CAND1: variants seen among roughly 807,000 people sequenced by gnomAD.
CAND1 encodes cullin-associated NEDD8-dissociated protein 1.
CAND1 carries 7 observed loss-of-function variants against 108.5 expected under a neutral mutation model. That is an observed-to-expected ratio of 0.06 (90% CI 0.04 to 0.12). The LOEUF (loss-of-function observed/expected upper bound fraction) is 0.12. CAND1 is among the 10% of genes least tolerant of loss of function. CAND1 has a pLI of 1.00. For synonymous variants in CAND1, 534 were observed against 512.0 expected (o/e 1.04, Z -0.58); for missense variants, 941 against 1,448.7 (o/e 0.65, Z 5.69).
rs201730536 is a variant in CAND1 at position 67,306,152 on chromosome 12, A to C, written c.2484A>C (p.Ser828=). 1.6e-5 allele frequency: 26 copies of C among 1,613,976 alleles called. No individual in the cohort carries two copies. In the South Asian group the frequency reaches 2.7e-4, roughly 17 times the overall value. ...AGTTTATTCAAGATGTCAAGAACTC[A>C]AGGTCTACAGATTCCATTCGTCTCT... ...VGQFIQDVKN[S]RSTDSIRLLA... is the part of the protein sequence containing the mutation. Residue 828 remains serine, a synonymous_variant, in exon 10 of 15, where the codon TCA becomes TCC. Coordinates refer to ENST00000545606, the MANE Select transcript of CAND1 (RefSeq NM_018448.5).
chr12:67,299,500 T>A (rs2044802870), intron 7 of CAND1, among the ~76,000 whole-genome samples: 1 of 152,168 alleles, frequency 6.6e-6, no homozygotes. Context: ...CTACAAAGCA[T>A]TTTTGTAAGG....
rs935056357 is a variant in CAND1, at chr12:67,316,460, T to C, written c.*3630T>C. On this transcript the variant is annotated 3_prime_UTR_variant, in exon 15 of 15. Transcript: ENST00000545606. ...GATTTTGTAAACACCTTTGCTGTAG[T>C]TTCAGGCAAGATCTTTCAGCAACAT... 1 of 152,240 alleles carries C rather than the reference T, an allele frequency of 6.6e-6. No individual in the cohort carries two copies. 9.4% of individuals were successfully genotyped at this position (152,240 alleles called of 1,614,324 possible).
At position 67,292,720 on chromosome 12, in the gene CAND1, A is replaced by G. The variant is rs777604837; in HGVS notation, c.311A>G (p.Asp104Gly). 1 of 1,613,876 alleles carries G rather than the reference A, an allele frequency of 6.2e-7. No individual in the cohort carries two copies. Among genetic ancestry groups the G allele is most frequent in the Non-Finnish European group, 8.5e-7 (1 of 1,179,848 alleles). The change falls in exon 3 of 15, where the codon GAC (aspartate) becomes GGC (glycine). Residue 104 changes from aspartate to glycine, a missense_variant. Physicochemically the swap from Asp to Gly is moderately conservative, Grantham distance 94. This residue lies in a region of CAND1 where 44 missense variants were observed against 129.1 expected (regional missense o/e 0.34). Coordinates refer to ENST00000545606, the MANE Select transcript of CAND1 (RefSeq NM_018448.5). ...NMLSDKEQLRDISSIGLKTVI... is the reference protein window; with the variant it reads ...NMLSDKEQLRGISSIGLKTVI... ...CTTTCTGATAAAGAACAACTTCGAG[A>G]CATTTCAAGTATTGGTCTTAAAACA...
intron 1 of CAND1, among the ~76,000 whole-genome samples, chr12:67,277,877 T>C (rs1366993767): frequency 6.6e-6 from 1 of 152,166 alleles, no homozygotes; most frequent in Non-Finnish European, 1.5e-5. Context: ...TTAGTCATTC[T>C]CCTAACTAGT....
chr12:67,294,547 A>G (rs986341102), intron 3 of CAND1, among the ~76,000 whole-genome samples: 1 of 152,208 alleles, frequency 6.6e-6, no homozygotes, highest in Non-Finnish European at 1.5e-5. Context: ...TACAGCTACT[A>G]CTGGCTCCAT....
intron 2 of CAND1, among the ~76,000 whole-genome samples, chr12:67,286,062 C>T (rs1407930114): frequency 1.3e-5 from 2 of 152,140 alleles, no homozygotes; most frequent in African/African-American, 2.4e-5. Context: ...GGCTGGAGTG[C>T]AGTGGCTGGA....
chr12:67,285,207 G>A (rs1291804048), intron 2 of CAND1, among the ~76,000 whole-genome samples: 1 of 152,096 alleles, frequency 6.6e-6, no homozygotes, highest in Non-Finnish European at 1.5e-5. Context: ...TGTAGTGTAA[G>A]GTAAGATTAC....
At chr12:67,308,177 A>T (rs1487119523) in intron 11 of CAND1, among the ~76,000 whole-genome samples, 4 of 152,068 alleles carry the variant, frequency 2.6e-5, no homozygotes, top group Non-Finnish European at 1.5e-5. Flanking sequence ...GATAATGGAG[A>T]TAACCATCAG....
chr12:67,300,783 A>G (rs998386884), intron 7 of CAND1, among the ~76,000 whole-genome samples: 1 of 152,194 alleles, frequency 6.6e-6, no homozygotes, highest in African/African-American at 2.4e-5. Flanking sequence ...CAGGCAATCA[A>G]TAAATGGGTT....
Position 67,305,183 on chromosome 12 carries a change from C to T in CAND1, c.1515C>T (p.Leu505=), listed in dbSNP as rs764841555. Residue 505 remains leucine, a synonymous_variant, in exon 10 of 15, where the codon CTC becomes CTT. Coordinates refer to ENST00000545606, the MANE Select transcript of CAND1 (RefSeq NM_018448.5). The surrounding 1 kb of genome is among the most constrained non-coding windows in gnomAD (Gnocchi z 4.4). The part of the protein sequence containing the change: ...IDALSCLYVI[L]CNHSPQVFHP... ...CTTTGTCATGTCTATACGTAATCCT[C>T]TGTAACCATTCTCCTCAAGTCTTCC... 1.9e-6 allele frequency: 3 copies of T among 1,614,138 alleles called. No individual in the cohort carries two copies. Among genetic ancestry groups the T allele is most frequent in the Non-Finnish European group, 2.5e-6 (3 of 1,179,984 alleles).
intron 1 of CAND1, among the ~76,000 whole-genome samples, chr12:67,280,672 G>A (rs2044611175): frequency 6.6e-6 from 1 of 152,176 alleles, no homozygotes; most frequent in Admixed American, 6.5e-5. Context: ...CATATTCTGA[G>A]AAATCACTTT....
chr12:67,269,841 GGCC>G, intron 1 of CAND1, 56 bp downstream of exon 1: 1 of 1,495,174 alleles, frequency 6.7e-7, no homozygotes, highest in Non-Finnish European at 9.2e-7. Context: ...CCGCGGCCCT[GGCC>G]GTCACGCAGG....
In CAND1 at chr12:67,284,705, TACAC is replaced by T. The variant is rs138518839; in HGVS notation, c.212+2670_212+2673del. On this transcript the variant is annotated intron_variant, in intron 2 of 14. Coordinates refer to ENST00000545606, the MANE Select transcript of CAND1 (RefSeq NM_018448.5). ...GTCCTTAAAAGAGTACACATGCATG[TACAC>T]ACACACACACACACACAAACTTTCT... Among the ~76,000 whole-genome samples the T allele has an allele frequency of 6.0e-4, 68 of 113,262 alleles. 1 individual carries two copies. In the Middle Eastern group the frequency reaches 0.018, roughly 30 times the overall value. The allele number at this position is 113,262 out of a possible 152,430, so 74.3% of individuals were successfully genotyped here.
At chr12:67,283,113 C>T (rs1471044191) in intron 2 of CAND1, among the ~76,000 whole-genome samples, 4 of 151,894 alleles carry the variant, frequency 2.6e-5, no homozygotes, top group African/African-American at 7.3e-5. Context: ...AAGCATTATC[C>T]CATTGTTACT....
At chr12:67,312,145 C>T (rs1198537681) in intron 14 of CAND1, among the ~76,000 whole-genome samples, 1 of 145,570 alleles carries the variant, frequency 6.9e-6, no homozygotes, top group Admixed American at 7.1e-5. Context: ...ACAACATTTG[C>T]AATGAACCTC....
chr12:67,294,024 T>C (rs1386047270), intron 3 of CAND1, among the ~76,000 whole-genome samples: 2 of 152,236 alleles, frequency 1.3e-5, no homozygotes, highest in Non-Finnish European at 2.9e-5. Flanking sequence ...AAAAGGATGC[T>C]TTCTTCAATG....
At chr12:67,278,096 T>TA (rs2044586304) in intron 1 of CAND1, among the ~76,000 whole-genome samples, 1 of 152,168 alleles carries the variant, frequency 6.6e-6, no homozygotes, top group South Asian at 2.1e-4. Flanking sequence ...GGCCCTTGCT[T>TA]ACCTGGCACT....
At chr12:67,278,985 T>C (rs1167848993) in intron 1 of CAND1, among the ~76,000 whole-genome samples, 2 of 152,210 alleles carry the variant, frequency 1.3e-5, no homozygotes, top group Non-Finnish European at 2.9e-5. Context: ...TTAGCCCTTA[T>C]ATCAGCAAAA....
intron 2 of CAND1, among the ~76,000 whole-genome samples, chr12:67,291,927 C>G (rs1020838702): frequency 6.6e-6 from 1 of 152,178 alleles, no homozygotes; most frequent in African/African-American, 2.4e-5. Flanking sequence ...TGCAGTGGTA[C>G]AATCTCGGCT....
Sources: gnomAD v4.1 joint callset for allele counts (sites outside exome capture counted in the v4.1 genomes callset) on GRCh38, gnomAD v4.1.1 for gene constraint, gnomAD v4.1.1 regional missense constraint, Gnocchi (gnomAD v3.1) non-coding constraint, MANE v1.5 for transcripts, NCBI Gene and HGNC (gene_info 2026-07-23, HGNC 2026-07-21) for gene names.